Variants in RAG1 observed in about 807,000 individuals in gnomAD.
RAG1 encodes the protein recombination activating 1, also known as V(D)J recombination-activating protein 1.
Under a neutral mutation model 62.7 loss-of-function variants are expected in RAG1, and 35 were observed. The observed-to-expected ratio is 0.56, with a 90% CI of 0.43 to 0.74. RAG1 has a LOEUF of 0.74. Among genes scored for constraint, RAG1 ranks in the 30% least tolerant of loss-of-function variants. The probability of loss-of-function intolerance (pLI) is 0.00; values close to 1 mark genes in which losing one functional copy is unlikely to be tolerated. For synonymous variants in RAG1, 461 were observed against 470.3 expected (o/e 0.98, Z 0.26); for missense variants, 1,169 against 1,278.6 (o/e 0.91, Z 1.31).
intron 2 of RAG1, among the ~76,000 whole-genome samples, chr11:36,531,322 C>A (rs1396651786): frequency 6.6e-6 from 1 of 151,742 alleles, no homozygotes; most frequent in East Asian, 1.9e-4. Flanking sequence ...AGGCCATTTT[C>A]TTAATGTAAT....
At chr11:36,540,491 A>G (rs6484864), downstream of RAG1, among the ~76,000 whole-genome samples, 148,951 of 152,160 alleles carry the variant, frequency 0.98, 72,971 homozygotes, top group Non-Finnish European at 1. Context: ...TGCAAGCTCC[A>G]CCTCCCGGGT....
chr11:36,569,133 GGCTGCTGCT>G (rs142254848), intron 1 of RAG1, among the ~76,000 whole-genome samples: 1 of 152,000 alleles, frequency 6.6e-6, no homozygotes, highest in Non-Finnish European at 1.5e-5. Flanking sequence ...GGAAATGGGG[GGCTGCTGCT>G]GCTGCTGCAC....
At chr11:36,547,797 C>G (rs1850419856) in intron 3 of RAG1, among the ~76,000 whole-genome samples, 1 of 152,096 alleles carries the variant, frequency 6.6e-6, no homozygotes, top group Non-Finnish European at 1.5e-5. Flanking sequence ...CATTCTGATA[C>G]CAAAACCTGA....
rs1860111457 is a variant in RAG1 at position 36,523,375 on chromosome 11, CATGTAAG to C, written n.428+3151_428+3157del. Reference sequence around the variant, plus strand: ...TGTTCTCTCTTTGCCTGCTGCCATCCATGTAAGATGTGACTTGCTCCTCCTTGCTTTC... The same window carrying C: ...TGTTCTCTCTTTGCCTGCTGCCATCCATGTGACTTGCTCCTCCTTGCTTTC... On this transcript the variant is annotated intron_variant and non_coding_transcript_variant, in intron 2 of 2. Transcript: ENST00000529126. Among the ~76,000 whole-genome samples, 3 of 152,122 alleles carry C rather than the reference CATGTAAG, an allele frequency of 2.0e-5. No individual in the cohort carries two copies. In the South Asian group the frequency reaches 6.2e-4, roughly 31 times the overall value.
chr11:36,562,064 G>T (rs543027519), intron 3 of RAG1, among the ~76,000 whole-genome samples: 9 of 152,274 alleles, frequency 5.9e-5, no homozygotes, highest in African/African-American at 2.2e-4. Flanking sequence ...CCCTTGAGAG[G>T]CCTTTGGCTT....
rs1850878850 is a variant in RAG1 at position 36,578,050 on chromosome 11, C to T, written c.*1614C>T. 6.0e-6 allele frequency: 1 copy of T among 167,038 alleles called. No homozygotes were observed. Among genetic ancestry groups the T allele is most frequent in the African/African-American group, 2.4e-5 (1 of 41,460 alleles). The allele number at this position is 167,038 out of a possible 1,614,324, so 10.3% of individuals were successfully genotyped here. A position where few individuals can be genotyped will look rare whatever the true frequency, so the allele number is the denominator to read the frequency against. ...TTTGCCAGTTGCTGGCAATGTAGAG[C>T]AGGCATGGAATTTTATATGCTAGTG... On this transcript the variant is annotated 3_prime_UTR_variant, in exon 2 of 2. Transcript: ENST00000299440.
chr11:36,544,268 T>C (rs1314892496), intron 3 of RAG1, among the ~76,000 whole-genome samples: 1 of 152,158 alleles, frequency 6.6e-6, no homozygotes, highest in Non-Finnish European at 1.5e-5. Context: ...TAAGTGTTCT[T>C]ATCAGAGAAG....
At position 36,573,992 on chromosome 11, in the gene RAG1, T is replaced by C. The variant is rs746372841; in HGVS notation, c.688T>C (p.Leu230=). The part of the protein sequence containing the change: ...GLKRKSLQPN[L]QLSKKLKTVL... Reference sequence around the variant, plus strand: ...CAAGAGGAAGAGTCTTCAGCCAAACTTGCAGCTCAGCAAAAAACTCAAAAC... The same window carrying C: ...CAAGAGGAAGAGTCTTCAGCCAAACCTGCAGCTCAGCAAAAAACTCAAAAC... Residue 230 remains leucine, a synonymous_variant, in exon 2 of 2, where the codon TTG becomes CTG. Transcript: ENST00000299440. 1 of 1,614,096 alleles carries C rather than the reference T, an allele frequency of 6.2e-7. No homozygotes were observed. Among genetic ancestry groups the C allele is most frequent in the Non-Finnish European group, 8.5e-7 (1 of 1,180,020 alleles).
intron 3 of RAG1, among the ~76,000 whole-genome samples, chr11:36,550,812 AAG>A: frequency 6.6e-6 from 1 of 152,222 alleles, no homozygotes; most frequent in East Asian, 1.9e-4. Flanking sequence ...ATCACAGACT[AAG>A]AGAGAAAAAA....
Position 36,573,893 on chromosome 11 carries a change from C to T in RAG1, c.589C>T (p.Pro197Ser). 6.2e-7 allele frequency: 1 copy of T among 1,614,078 alleles called. No individual in the cohort carries two copies. Among genetic ancestry groups the T allele is most frequent in the Non-Finnish European group, 8.5e-7 (1 of 1,180,036 alleles). The change falls in exon 2 of 2, where the codon CCG becomes TCG. Residue 197 changes from proline (P) to serine (S), a missense_variant. Pro to Ser is a moderately conservative substitution (Grantham distance 74). This residue lies in a region of RAG1 where 369 missense variants were observed against 335.3 expected (regional missense o/e 1.10). Coordinates refer to ENST00000299440, the MANE Select transcript of RAG1 (RefSeq NM_000448.3). ...FSSAPCEVYFPRNVTMEWHPH... is the reference protein window; with the variant it reads ...FSSAPCEVYFSRNVTMEWHPH... ...CAGTGCCCCATGTGAGGTTTACTTCCCGAGGAACGTGACCATGGAGTGGCA... is the reference window on the plus strand; with the variant it reads ...CAGTGCCCCATGTGAGGTTTACTTCTCGAGGAACGTGACCATGGAGTGGCA...
intron 3 of RAG1, among the ~76,000 whole-genome samples, chr11:36,542,113 A>T (rs4756326): frequency 0.98 from 148,927 of 152,230 alleles, 72,919 homozygotes; most frequent in Non-Finnish European, 1. Flanking sequence ...GTTCATTGTT[A>T]GGGTTTGGAC....
At chr11:36,510,423 CG>C (rs770521688), upstream of RAG1, 4 of 152,438 alleles carry the variant, frequency 2.6e-5, no homozygotes, top group Non-Finnish European at 5.9e-5. Context: ...TCTTCCTGCT[CG>C]GGTGTCCCAC....
At chr11:36,547,920 A>T (rs1362206156) in intron 3 of RAG1, among the ~76,000 whole-genome samples, 1 of 152,202 alleles carries the variant, frequency 6.6e-6, no homozygotes, top group Non-Finnish European at 1.5e-5. Context: ...CAAAAAGCTT[A>T]TTCACCATGA....
intron 1 of RAG1, among the ~76,000 whole-genome samples, chr11:36,511,465 G>GAACAAACA (rs897843683): frequency 1.3e-5 from 2 of 151,926 alleles, no homozygotes; most frequent in Admixed American, 6.6e-5. Flanking sequence ...AGGAACAAAC[G>GAACAAACA]AACAAACAAA....
chr11:36,549,616 C>T (rs759012735), intron 3 of RAG1, among the ~76,000 whole-genome samples: 1 of 152,186 alleles, frequency 6.6e-6, no homozygotes, highest in Non-Finnish European at 1.5e-5. Flanking sequence ...CAGGAAACAA[C>T]AGATGCTGGA....
downstream of RAG1, among the ~76,000 whole-genome samples, chr11:36,537,457 T>A (rs2133261193): frequency 6.6e-6 from 1 of 152,342 alleles, no homozygotes; most frequent in African/African-American, 2.4e-5. Context: ...TATATTTTTT[T>A]AATCTATCAG....
chr11:36,575,422 G>T lies in RAG1; in HGVS notation c.2118G>T (p.Arg706Ser). 6.2e-7 allele frequency: 1 copy of T among 1,614,002 alleles called. No homozygotes were observed. The highest frequency in any genetic ancestry group is 8.5e-7 in the Non-Finnish European group (1 of 1,179,926). ...GILRTFKFIF[R>S]GTGYDEKLVR... ...TCCGGACTTTCAAGTTCATCTTCAGGGGCACCGGCTATGATGAAAAACTTG... is the reference window on the plus strand; with the variant it reads ...TCCGGACTTTCAAGTTCATCTTCAGTGGCACCGGCTATGATGAAAAACTTG... Residue 706 changes from arginine (R) to serine (S), a missense_variant, in exon 2 of 2, where the codon AGG becomes AGT. Transcript: ENST00000299440. The surrounding 1 kb of genome is among the most constrained non-coding windows in gnomAD (Gnocchi z 4.1).
downstream of RAG1, among the ~76,000 whole-genome samples, chr11:36,536,993 T>G (rs1860341010): frequency 6.6e-6 from 1 of 150,424 alleles, no homozygotes. Context: ...CTCCTGACCT[T>G]GTGATCCACC....
Position 36,575,487 on chromosome 11 carries a change from A to T in RAG1, c.2183A>T (p.Tyr728Phe). The T allele has an allele frequency of 6.2e-7, 1 of 1,614,172 alleles. No homozygotes were observed. The highest frequency in any genetic ancestry group is 8.5e-7 in the Non-Finnish European group (1 of 1,180,028). Residue 728 changes from tyrosine (Y) to phenylalanine (F), a missense_variant, in exon 2 of 2, where the codon TAC becomes TTC. This residue lies in a region of RAG1 where 800 missense variants were observed against 943.3 expected (regional missense o/e 0.85). Transcript: ENST00000299440. The surrounding 1 kb of genome is among the most constrained non-coding windows in gnomAD (Gnocchi z 4.1). ...GGCCTCGAGGCTTCTGGCTCAGTCT[A>T]CATTTGTACTCTTTGTGATGCCACC... The part of the protein sequence containing the change: ...VEGLEASGSV[Y>F]ICTLCDATRL...
Sources: gnomAD v4.1 joint callset for allele counts (sites outside exome capture counted in the v4.1 genomes callset) on GRCh38, gnomAD v4.1.1 for gene constraint, gnomAD v4.1.1 regional missense constraint, Gnocchi (gnomAD v3.1) non-coding constraint, MANE v1.5 for transcripts, NCBI Gene and HGNC (gene_info 2026-07-23, HGNC 2026-07-21) for gene names.